Variants in PCDH9 observed in about 807,000 individuals in gnomAD.
PCDH9 encodes protocadherin-9.
In PCDH9, 24 loss-of-function variants were observed where a neutral mutation model predicts 70.6. The ratio of observed to expected loss-of-function variants is 0.34; its 90% CI spans 0.25 to 0.48. The LOEUF (loss-of-function observed/expected upper bound fraction) is 0.48. PCDH9 is among the 20% of genes least tolerant of loss of function. PCDH9 has a pLI of 0.99. For missense variants in PCDH9, 1,281 were observed against 1,503.6 expected (o/e 0.85, Z 2.45); for synonymous variants, 562 against 558.5 (o/e 1.01, Z -0.09).
At chr13:66,774,304 C>G (rs2079856052) in intron 3 of PCDH9, among the ~76,000 whole-genome samples, 1 of 152,148 alleles carries the variant, frequency 6.6e-6, no homozygotes, top group Non-Finnish European at 1.5e-5. Context: ...ACCTTGCAAA[C>G]CTAACATGCT....
At chr13:66,879,492 T>A (rs1038958714) in intron 3 of PCDH9, among the ~76,000 whole-genome samples, 1 of 142,296 alleles carries the variant, frequency 7.0e-6, no homozygotes, top group African/African-American at 3.1e-5. Flanking sequence ...TGGCTGCCAT[T>A]TTTTTTCTTC....
chr13:66,666,421 TTC>T, intron 3 of PCDH9, among the ~76,000 whole-genome samples: 1 of 119,964 alleles, frequency 8.3e-6, no homozygotes, highest in Admixed American at 8.0e-5. Context: ...TCTTCTGATG[TTC>T]TGTGTTTTTT....
At chr13:66,725,425 C>G (rs1239389428) in intron 3 of PCDH9, among the ~76,000 whole-genome samples, 11 of 152,136 alleles carry the variant, frequency 7.2e-5, no homozygotes, top group African/African-American at 2.4e-4. Flanking sequence ...CACTTATTTT[C>G]TTCCCTTTTT....
At chr13:67,022,560 C>T (rs2139864235) in intron 2 of PCDH9, among the ~76,000 whole-genome samples, 1 of 152,312 alleles carries the variant, frequency 6.6e-6, no homozygotes, top group African/African-American at 2.4e-5. Context: ...AGGAACTATT[C>T]AATACTTTCA....
At chr13:66,403,820 T>C (rs1957231331) in intron 4 of PCDH9, among the ~76,000 whole-genome samples, 1 of 152,168 alleles carries the variant, frequency 6.6e-6, no homozygotes, top group Non-Finnish European at 1.5e-5. Context: ...TGTGAAATAA[T>C]TCTGAACTTA....
intron 2 of PCDH9, among the ~76,000 whole-genome samples, chr13:67,064,782 AC>A (rs2085609232): frequency 6.6e-6 from 1 of 152,124 alleles, no homozygotes; most frequent in African/African-American, 2.4e-5. Context: ...TTATTAGAGT[AC>A]TATGAAAAGA....
At chr13:66,328,187 T>C (rs774913765) in intron 4 of PCDH9, among the ~76,000 whole-genome samples, 10 of 152,174 alleles carry the variant, frequency 6.6e-5, no homozygotes, top group African/African-American at 2.4e-4. Flanking sequence ...CAAAATAATT[T>C]TGAAGCATTG....
Position 66,828,810 on chromosome 13 carries a change from A to AAAAAAAAAAAAAAATAATAAT in PCDH9, c.3138+74693_3138+74694insATTATTATTTTTTTTTTTTTT, listed in dbSNP as rs71207607. On this transcript the variant is annotated intron_variant, in intron 3 of 4. Transcript: ENST00000377865. Reference sequence around the variant, plus strand: ...TAAATTTTGTTGTAAGCCATACATAAAATAATAATAATAATAATAATAATA... The same window carrying AAAAAAAAAAAAAAATAATAAT: ...TAAATTTTGTTGTAAGCCATACATAAAAAAAAAAAAAAAATAATAATAATAATAATAATAATAATAATAATA... Among the ~76,000 whole-genome samples the AAAAAAAAAAAAAAATAATAAT allele has an allele frequency of 5.6e-3, 827 of 148,566 alleles. 4 individuals are homozygous for AAAAAAAAAAAAAAATAATAAT. The highest frequency in any genetic ancestry group is 0.019 in the African/African-American group (777 of 40,514).
intron 2 of PCDH9, among the ~76,000 whole-genome samples, chr13:67,019,841 T>C (rs562318152): frequency 6.6e-6 from 1 of 152,286 alleles, no homozygotes; most frequent in Admixed American, 6.5e-5. Flanking sequence ...CCAAGCACAC[T>C]TCAGGGACAA....
At chr13:67,122,054 A>G (rs1414601708) in intron 2 of PCDH9, among the ~76,000 whole-genome samples, 1 of 151,994 alleles carries the variant, frequency 6.6e-6, no homozygotes, top group Admixed American at 6.6e-5. Flanking sequence ...TTTTTTCCTT[A>G]TTTATGAATA....
At chr13:66,764,822 A>G (rs1012497214) in intron 3 of PCDH9, among the ~76,000 whole-genome samples, 2 of 152,020 alleles carry the variant, frequency 1.3e-5, no homozygotes, top group African/African-American at 4.8e-5. Context: ...GGTATTTTTC[A>G]TATATATAAT....
intron 2 of PCDH9, among the ~76,000 whole-genome samples, chr13:66,999,853 G>A (rs1413831257): frequency 1.3e-5 from 2 of 152,220 alleles, no homozygotes; most frequent in African/African-American, 4.8e-5. Context: ...GAGAGAGGAT[G>A]TGGAGAAATA....
chr13:67,017,524 G>A (rs2084586761), intron 2 of PCDH9, among the ~76,000 whole-genome samples: 1 of 152,196 alleles, frequency 6.6e-6, no homozygotes. Context: ...CTGTTACTGT[G>A]TGTGTGCCCA....
At chr13:66,965,789 G>T (rs1207691982) in intron 2 of PCDH9, among the ~76,000 whole-genome samples, 1 of 151,858 alleles carries the variant, frequency 6.6e-6, no homozygotes, top group Non-Finnish European at 1.5e-5. Context: ...AATAAGTTCT[G>T]ATTATTTTTA....
At chr13:67,052,306 G>T (rs910812928) in intron 2 of PCDH9, among the ~76,000 whole-genome samples, 1 of 152,052 alleles carries the variant, frequency 6.6e-6, no homozygotes, top group Non-Finnish European at 1.5e-5. Context: ...TTTAATAAGG[G>T]GTTAGGGAAA....
intron 2 of PCDH9, among the ~76,000 whole-genome samples, chr13:67,166,828 A>G (rs2088131287): frequency 6.6e-6 from 1 of 152,160 alleles, no homozygotes; most frequent in South Asian, 2.1e-4. Context: ...TGGCTAAAAG[A>G]CCATCACTTG....
At chr13:67,116,018 A>T (rs2086764483) in intron 2 of PCDH9, among the ~76,000 whole-genome samples, 1 of 152,184 alleles carries the variant, frequency 6.6e-6, no homozygotes, top group African/African-American at 2.4e-5. Flanking sequence ...TAAGTTACTT[A>T]AATCCTCCAA....
intron 2 of PCDH9, chr13:67,220,849 C>T (rs549962260): frequency 4.3e-4 from 65 of 152,062 alleles, no homozygotes; most frequent in African/African-American, 7.0e-4. Context: ...GGCCAAAATG[C>T]GTCTTGAATT....
intron 2 of PCDH9, among the ~76,000 whole-genome samples, chr13:67,102,166 A>T (rs1033050364): frequency 6.6e-6 from 1 of 152,152 alleles, no homozygotes; most frequent in Admixed American, 6.5e-5. Flanking sequence ...AAGGTGAAGG[A>T]CAGAAGGAAT....
Sources: allele counts gnomAD v4.1 joint callset (sites outside exome capture counted in the v4.1 genomes callset), GRCh38; gene constraint gnomAD v4.1.1; transcripts MANE v1.5; gene names NCBI Gene and HGNC (gene_info 2026-07-23, HGNC 2026-07-21).